Variants in MSRA observed in about 807,000 individuals in gnomAD.
MSRA encodes methionine sulfoxide reductase A, also known as mitochondrial peptide methionine sulfoxide reductase.
A neutral mutation model predicts 31.3 loss-of-function variants in MSRA; 54 were observed. The ratio of observed to expected loss-of-function variants is 1.73; its 90% CI spans 1.39 to 2.17. MSRA has a LOEUF of 2.17. Ranked by LOEUF, MSRA falls within the 30% of genes most tolerant of loss-of-function variation. The pLI, the probability that MSRA is intolerant of heterozygous loss-of-function variation, is 0.00. For synonymous variants in MSRA, 169 were observed against 116.5 expected (o/e 1.45, Z -2.90); for missense variants, 507 against 300.9 (o/e 1.69, Z -5.07).
chr8:10,357,916 C>T (rs1433249750), intron 5 of MSRA, among the ~76,000 whole-genome samples: 1 of 152,202 alleles, frequency 6.6e-6, no homozygotes, highest in African/African-American at 2.4e-5. Flanking sequence ...TTCTTCCAAA[C>T]CAAGAATCTT....
intron 1 of MSRA, among the ~76,000 whole-genome samples, chr8:10,152,124 G>C (rs563000660): frequency 1.3e-5 from 2 of 152,214 alleles, no homozygotes; most frequent in Non-Finnish European, 2.9e-5. Flanking sequence ...ACATATATTT[G>C]TGTGTGTATT....
chr8:10,221,709 T>G (rs948212772), intron 2 of MSRA, among the ~76,000 whole-genome samples: 2 of 152,194 alleles, frequency 1.3e-5, no homozygotes, highest in African/African-American at 4.8e-5. Context: ...TTATGATAAG[T>G]GCTGTTGATT....
chr8:10,054,888 G>A (rs1438354263), intron 1 of MSRA, among the ~76,000 whole-genome samples: 1 of 152,204 alleles, frequency 6.6e-6, no homozygotes, highest in Non-Finnish European at 1.5e-5. Flanking sequence ...AGCCAAACTG[G>A]GCATTCTGAA....
chr8:10,159,818 A>G (rs896885375), intron 1 of MSRA, among the ~76,000 whole-genome samples: 3 of 152,168 alleles, frequency 2.0e-5, no homozygotes, highest in Non-Finnish European at 2.9e-5. Context: ...ATAGAAAACA[A>G]TCTCTAAATA....
chr8:10,207,872 T>C lies in MSRA; in HGVS notation c.182T>C (p.Phe61Ser). 6.2e-7 allele frequency: 1 copy of C among 1,613,026 alleles called. No homozygotes were observed. Among genetic ancestry groups the C allele is most frequent in the South Asian group, 1.1e-5 (1 of 90,850 alleles). ...HVNGNRTVEP[F>S]PEGTQMAVFG... ...AATGGCAACAGAACAGTCGAACCTT[T>C]CCCAGAGGGAACACAGATGGCTGTA... Residue 61 changes from phenylalanine (F) to serine (S), a missense_variant, in exon 2 of 6, where the codon TTC (phenylalanine) becomes TCC (serine). Coordinates refer to ENST00000317173, the MANE Select transcript of MSRA (RefSeq NM_012331.5).
At chr8:10,237,161 T>C (rs1473875467) in intron 2 of MSRA, among the ~76,000 whole-genome samples, 2 of 152,212 alleles carry the variant, frequency 1.3e-5, no homozygotes, top group Non-Finnish European at 2.9e-5. Flanking sequence ...TAGGTTGAGT[T>C]TTTCTCCTCT....
At chr8:10,114,235 G>C (rs911374148) in intron 1 of MSRA, among the ~76,000 whole-genome samples, 3 of 152,106 alleles carry the variant, frequency 2.0e-5, no homozygotes, top group Non-Finnish European at 1.5e-5. Flanking sequence ...GGACATTTGG[G>C]TTCTTTTTAC....
rs189453023 is a variant in MSRA, at chr8:10,226,032, C to T, written c.211+18131C>T. 9.2e-5 allele frequency among the ~76,000 whole-genome samples: 14 copies of T among 152,310 alleles called. No individual in the cohort carries two copies. The East Asian group carries it at 2.7e-3, about 29-fold the overall frequency. On this transcript the variant is annotated intron_variant, in intron 2 of 5. Transcript: ENST00000317173. ...GTAACTTGGGGAAGAGCTCATGATG[C>T]TAGTCAAGTTATTTCTTAGCCTCTG...
intron 1 of MSRA, among the ~76,000 whole-genome samples, chr8:10,173,256 G>A (rs764092197): frequency 1.2e-4 from 19 of 152,244 alleles, no homozygotes; most frequent in Non-Finnish European, 2.1e-4. Context: ...AAGGCTCTCC[G>A]TGTCTGCCTG....
At chr8:10,141,356 C>T (rs1220410033) in intron 1 of MSRA, among the ~76,000 whole-genome samples, 2 of 152,192 alleles carry the variant, frequency 1.3e-5, no homozygotes, top group East Asian at 3.9e-4. Flanking sequence ...TGTGTGATAG[C>T]ACACAACTGA....
chr8:10,292,664 C>T (rs1477118979), intron 3 of MSRA, among the ~76,000 whole-genome samples: 1 of 152,234 alleles, frequency 6.6e-6, no homozygotes, highest in African/African-American at 2.4e-5. Flanking sequence ...AGCGCCTCTT[C>T]CTGGGGTCCC....
chr8:10,154,209 C>T (rs1188763962), intron 1 of MSRA, among the ~76,000 whole-genome samples: 1 of 152,200 alleles, frequency 6.6e-6, no homozygotes, highest in Non-Finnish European at 1.5e-5. Context: ...GTGTGGTGGA[C>T]ACGCGTGCTT....
intron 3 of MSRA, among the ~76,000 whole-genome samples, chr8:10,272,938 T>A (rs1443139524): frequency 1.3e-5 from 2 of 152,204 alleles, no homozygotes; most frequent in Admixed American, 6.5e-5. Flanking sequence ...TTAGAAGGTA[T>A]CATGTTTTAA....
At chr8:10,061,689 C>T in intron 1 of MSRA, among the ~76,000 whole-genome samples, 1 of 152,050 alleles carries the variant, frequency 6.6e-6, no homozygotes, top group East Asian at 1.9e-4. Flanking sequence ...CCAGAAATGT[C>T]ATCTTTTCGT....
chr8:10,389,894 C>T (rs1375155353), intron 5 of MSRA, among the ~76,000 whole-genome samples: 1 of 152,102 alleles, frequency 6.6e-6, no homozygotes, highest in Admixed American at 6.5e-5. Context: ...CACAGAATCG[C>T]CCATGGTGCA....
rs1013205327 is a variant in MSRA at position 10,213,277 on chromosome 8, A to G, written c.211+5376A>G. 5.3e-5 allele frequency among the ~76,000 whole-genome samples: 8 copies of G among 152,024 alleles called. No homozygotes were observed. In the East Asian group the frequency reaches 1.3e-3, roughly 26 times the overall value. Reference sequence around the variant, plus strand: ...ATTGTTTTGATTTTTAGATCCCACAAATAAGTGAGAACATGTGATGTTTGT... The same window carrying G: ...ATTGTTTTGATTTTTAGATCCCACAGATAAGTGAGAACATGTGATGTTTGT... On this transcript the variant is annotated intron_variant, in intron 2 of 5. Coordinates refer to ENST00000317173, the MANE Select transcript of MSRA (RefSeq NM_012331.5).
At chr8:10,106,564 C>T (rs1799896789) in intron 1 of MSRA, among the ~76,000 whole-genome samples, 1 of 152,170 alleles carries the variant, frequency 6.6e-6, no homozygotes, top group Non-Finnish European at 1.5e-5. Flanking sequence ...GACTGGCAGA[C>T]ACACACACCA....
chr8:10,350,486 A>T lies in MSRA; in HGVS notation c.543+30497A>T, dbSNP rs149166620. Among the ~76,000 whole-genome samples, 225 of 152,212 alleles carry T rather than the reference A, an allele frequency of 1.5e-3. 1 individual carries two copies. The highest frequency in any genetic ancestry group is 5.1e-3 in the African/African-American group (211 of 41,536). On this transcript the variant is annotated intron_variant, in intron 5 of 5. Coordinates refer to ENST00000317173, the MANE Select transcript of MSRA (RefSeq NM_012331.5). ...GAAAAGGCCCTATAAAGCCCTTCCTACTCTGACATCCAGTGAATCTACTAT... is the reference window on the plus strand; with the variant it reads ...GAAAAGGCCCTATAAAGCCCTTCCTTCTCTGACATCCAGTGAATCTACTAT...
chr8:10,176,303 C>G (rs534523873), intron 1 of MSRA, among the ~76,000 whole-genome samples: 21 of 152,266 alleles, frequency 1.4e-4, no homozygotes, highest in African/African-American at 5.1e-4. Context: ...CATCTCAAAT[C>G]AAGCCTCCTC....
Sources: gnomAD v4.1 joint callset for allele counts (sites outside exome capture counted in the v4.1 genomes callset) on GRCh38, gnomAD v4.1.1 for gene constraint, MANE v1.5 for transcripts, NCBI Gene and HGNC (gene_info 2026-07-23, HGNC 2026-07-21) for gene names.